MAP7D2: variants seen among roughly 807,000 people sequenced by gnomAD.
The protein encoded by MAP7D2 is MAP7 domain-containing protein 2.
In MAP7D2, 33 loss-of-function variants were observed where a neutral mutation model predicts 63.5. The ratio of observed to expected loss-of-function variants is 0.52; its 90% CI spans 0.39 to 0.70. MAP7D2 has a LOEUF of 0.70. Among genes scored for constraint, MAP7D2 ranks in the 30% least tolerant of loss-of-function variants. MAP7D2 has a pLI of 0.00. For synonymous variants in MAP7D2, 224 were observed against 223.7 expected (o/e 1.00, Z -0.01); for missense variants, 626 against 604.0 (o/e 1.04, Z -0.38).
intron 4 of MAP7D2, among the ~76,000 whole-genome samples, chrX:20,053,506 C>A (rs954612261): frequency 8.9e-6 from 1 of 111,894 alleles, no homozygotes; most frequent in African/African-American, 3.2e-5. Context: ...GCCTCTTTAG[C>A]AGTTGGTTTT....
At chrX:20,013,697 T>G in intron 12 of MAP7D2, 72 bp from the exon 13 acceptor site, 1 of 700,728 alleles carries the variant, frequency 1.4e-6, no homozygotes, top group South Asian at 2.7e-5. Context: ...GTAGCTTGGT[T>G]TACATGCAAT....
chrX:20,013,538 A>G, intron 13 of MAP7D2, 31 bp downstream of exon 13: 1 of 1,131,576 alleles, frequency 8.8e-7, no homozygotes, highest in Non-Finnish European at 1.2e-6. Context: ...CTTAGTACAT[A>G]AACTATTAAA....
chrX:20,113,661 C>CT (rs992747406), intron 1 of MAP7D2, among the ~76,000 whole-genome samples: 13 of 107,447 alleles, frequency 1.2e-4, no homozygotes, highest in Non-Finnish European at 1.4e-4. Context: ...GCCCACTCTA[C>CT]TTTTTTTTTT....
intron 6 of MAP7D2, among the ~76,000 whole-genome samples, chrX:20,050,235 G>A (rs1043686730): frequency 9.9e-5 from 11 of 111,119 alleles, no homozygotes; most frequent in African/African-American, 3.3e-4. Context: ...TCAGTGTGCA[G>A]GCTAGGTGGG....
chrX:20,044,509 GGACA>G lies in MAP7D2; in HGVS notation c.730_733del (p.Cys244LeufsTer3). On this transcript the variant is annotated frameshift_variant, in exon 7 of 17. Coordinates refer to ENST00000379643, the MANE Select transcript of MAP7D2 (RefSeq NM_001168465.2). LOFTEE classifies it high-confidence loss of function. ...AAGAGGGCCAAGAGGAGCTAAACGA[GGACA>G]GACATGGAATACTAGAAAGTTACAG... The G allele has an allele frequency of 8.3e-7, 1 of 1,209,174 alleles. No homozygotes were observed. The highest frequency in any genetic ancestry group is 1.1e-6 in the Non-Finnish European group (1 of 893,405).
At chrX:20,049,469 A>G (rs1398233742) in intron 6 of MAP7D2, among the ~76,000 whole-genome samples, 3 of 109,294 alleles carry the variant, frequency 2.7e-5, no homozygotes, top group Non-Finnish European at 5.7e-5. Flanking sequence ...ATGGGGTTTC[A>G]CTATGTTGGC....
At chrX:20,108,556 T>G (rs1237842454) in intron 1 of MAP7D2, among the ~76,000 whole-genome samples, 1 of 110,485 alleles carries the variant, frequency 9.1e-6, no homozygotes. Context: ...TTTAGAACAT[T>G]TACAGCAACT....
chrX:20,013,398 C>T (rs1482085829), intron 13 of MAP7D2, among the ~76,000 whole-genome samples, 171 bp downstream of exon 13: 4 of 111,719 alleles, frequency 3.6e-5, no homozygotes, highest in Non-Finnish European at 7.5e-5. Context: ...CCTCTGAAGC[C>T]CCTCTTTCTT....
At chrX:20,060,770 C>CACCCCTCCCTGGG (rs1298718932) in intron 3 of MAP7D2, among the ~76,000 whole-genome samples, 24 of 110,810 alleles carry the variant, frequency 2.2e-4, no homozygotes, top group Non-Finnish European at 4.4e-4. Context: ...AGAACCACCC[C>CACCCCTCCCTGGG]ACCCCTCCCT....
intron 6 of MAP7D2, among the ~76,000 whole-genome samples, chrX:20,049,056 C>T (rs1666233350): frequency 9.1e-6 from 1 of 110,211 alleles, no homozygotes; most frequent in Admixed American, 9.8e-5. Context: ...AAAACATTTT[C>T]AAGATTCCCC....
chrX:20,034,696 A>G (rs1325100905), intron 8 of MAP7D2, among the ~76,000 whole-genome samples: 1 of 111,195 alleles, frequency 9.0e-6, no homozygotes, highest in East Asian at 2.8e-4. Flanking sequence ...TGGGCCCTCA[A>G]TTGACACTGA....
chrX:20,096,362 C>T (rs1364893201), intron 1 of MAP7D2, among the ~76,000 whole-genome samples: 2 of 83,881 alleles, frequency 2.4e-5, no homozygotes, highest in African/African-American at 4.7e-5. Context: ...CTCAGGAGTT[C>T]GAGGTTGCAG....
chrX:20,082,061 T>C (rs2065791130), intron 1 of MAP7D2, among the ~76,000 whole-genome samples: 1 of 112,015 alleles, frequency 8.9e-6, no homozygotes, highest in Non-Finnish European at 1.9e-5. Flanking sequence ...ACAGAAGAGA[T>C]GGTCCCAGTT....
intron 1 of MAP7D2, among the ~76,000 whole-genome samples, chrX:20,075,855 C>A (rs1277136899): frequency 9.0e-6 from 1 of 111,436 alleles, no homozygotes; most frequent in Non-Finnish European, 1.9e-5. Context: ...CTATCAGTGG[C>A]CATTTATTCC....
chrX:20,083,784 T>A (rs1382546551), intron 1 of MAP7D2, among the ~76,000 whole-genome samples: 1 of 111,813 alleles, frequency 8.9e-6, no homozygotes, highest in Non-Finnish European at 1.9e-5. Context: ...ACCCCAGTGC[T>A]TGGCAAAGTC....
intron 10 of MAP7D2, among the ~76,000 whole-genome samples, chrX:20,024,536 T>C (rs905816710): frequency 5.4e-5 from 6 of 112,032 alleles, no homozygotes; most frequent in African/African-American, 9.8e-5. Flanking sequence ...TTAGGATAAT[T>C]TGACGGAGGA....
intron 7 of MAP7D2, 27 bp from the exon 8 acceptor site, chrX:20,042,656 T>A (rs776689745): frequency 1.7e-6 from 2 of 1,205,941 alleles, no homozygotes; most frequent in African/African-American, 3.5e-5. Context: ...ATAGCCACAG[T>A]CCATGACTGG....
intron 4 of MAP7D2, among the ~76,000 whole-genome samples, chrX:20,056,156 A>G (rs2065064062): frequency 8.9e-6 from 1 of 112,034 alleles, no homozygotes; most frequent in Non-Finnish European, 1.9e-5. Context: ...AACAATCCAT[A>G]TATTAAATTA....
At chrX:20,051,796 T>C (rs774399220) in intron 5 of MAP7D2, among the ~76,000 whole-genome samples, 7 of 112,428 alleles carry the variant, frequency 6.2e-5, no homozygotes, top group Non-Finnish European at 1.3e-4. Context: ...CAACTGATTA[T>C]CAGCTTTAAT....
Sources: gnomAD v4.1 joint callset for allele counts (sites outside exome capture counted in the v4.1 genomes callset) on GRCh38, gnomAD v4.1.1 for gene constraint, MANE v1.5 for transcripts, NCBI Gene and HGNC (gene_info 2026-07-23, HGNC 2026-07-21) for gene names.